Variants in RICTOR observed in about 807,000 individuals in gnomAD.
RICTOR encodes the protein RPTOR independent companion of MTOR complex 2.
RICTOR carries 49 observed loss-of-function variants against 214.9 expected under a neutral mutation model. The observed-to-expected ratio is 0.23, with a 90% CI of 0.18 to 0.29. RICTOR has a LOEUF of 0.29. Among genes scored for constraint, RICTOR ranks in the 10% least tolerant of loss-of-function variants. The pLI is 1.00. For missense variants in RICTOR, 1,625 were observed against 2,047.0 expected (o/e 0.79, Z 3.98); for synonymous variants, 717 against 711.3 (o/e 1.01, Z -0.13).
chr5:39,035,620 T>C (rs1375930586), intron 2 of RICTOR, among the ~76,000 whole-genome samples: 1 of 150,942 alleles, frequency 6.6e-6, no homozygotes, highest in African/African-American at 2.4e-5. Flanking sequence ...AGCAGAGAAG[T>C]CCTTAAAGGA....
At chr5:39,042,683 C>T (rs957921854) in intron 2 of RICTOR, among the ~76,000 whole-genome samples, 3 of 152,196 alleles carry the variant, frequency 2.0e-5, no homozygotes, top group Non-Finnish European at 4.4e-5. Context: ...TACCACAATT[C>T]TGCTTTATTT....
chr5:38,952,848 TTAA>T, intron 29 of RICTOR, 134 bp downstream of exon 29: 1 of 574,736 alleles, frequency 1.7e-6, no homozygotes. Flanking sequence ...CTTAATACAG[TTAA>T]TAATCTTGTA....
chr5:39,046,267 G>C (rs1757491670), intron 2 of RICTOR, among the ~76,000 whole-genome samples: 1 of 150,980 alleles, frequency 6.6e-6, no homozygotes, highest in African/African-American at 2.4e-5. Context: ...AGGAGGCTGA[G>C]ATGGGAAGAT....
chr5:39,035,973 A>G (rs1035377336), intron 2 of RICTOR, among the ~76,000 whole-genome samples: 16 of 152,174 alleles, frequency 1.1e-4, no homozygotes, highest in Admixed American at 6.5e-4. Flanking sequence ...GAACGCCACA[A>G]AGATACTCCT....
In RICTOR at chr5:38,970,697, A is replaced by G. The variant is rs543589174; in HGVS notation, c.972+1180T>C. The G allele has an allele frequency of 2.6e-5, 4 of 152,084 alleles. No individual in the cohort carries two copies. In the South Asian group the frequency reaches 8.3e-4, roughly 31 times the overall value. The allele number at this position is 152,084 out of a possible 1,614,324, so 9.4% of individuals were successfully genotyped here. A position where few individuals can be genotyped will look rare whatever the true frequency, so the allele number is the denominator to read the frequency against. On this transcript the variant is annotated intron_variant, in intron 11 of 37. Coordinates refer to ENST00000357387, the MANE Select transcript of RICTOR (RefSeq NM_152756.5). ...AAATAAAAACATTTAAGGAGAAAGG[A>G]AAAAAATCACTTTAAGAATTCTCTT...
chr5:39,023,724 G>A (rs775100860), intron 2 of RICTOR, among the ~76,000 whole-genome samples: 31 of 152,246 alleles, frequency 2.0e-4, no homozygotes, highest in South Asian at 4.1e-4. Context: ...CAAATGAAAC[G>A]GTTTGCACTG....
At chr5:38,949,024 A>C (rs777586221) in intron 31 of RICTOR, among the ~76,000 whole-genome samples, 9 of 152,104 alleles carry the variant, frequency 5.9e-5, no homozygotes, top group Non-Finnish European at 8.8e-5. Context: ...CACTTAAATA[A>C]ATGTAAATGA....
intron 2 of RICTOR, among the ~76,000 whole-genome samples, chr5:39,071,622 G>C (rs181389186): frequency 6.6e-6 from 1 of 152,110 alleles, no homozygotes; most frequent in Admixed American, 6.5e-5. Flanking sequence ...CAAATAACTT[G>C]CCCCAAATCA....
chr5:38,945,312 T>C (rs1261136617), intron 34 of RICTOR, 179 bp downstream of exon 34: 3 of 617,276 alleles, frequency 4.9e-6, no homozygotes, highest in Non-Finnish European at 5.7e-6. Flanking sequence ...CAGGCCCCAC[T>C]GTGACCTGGA....
At chr5:38,959,578 A>T (rs1749605116) in intron 21 of RICTOR, among the ~76,000 whole-genome samples, 1 of 152,126 alleles carries the variant, frequency 6.6e-6, no homozygotes, top group Non-Finnish European at 1.5e-5. Context: ...GTATATTTTT[A>T]AAATTCCTAA....
Position 38,952,217 on chromosome 5 carries a change from C to T in RICTOR, c.3106G>A (p.Glu1036Lys). ...TCACTCGATGGCACAGATTCACTTT[C>T]ACTATTATGTCTAGAGCTGGTTGAC... ...SESTSSRHNS[E>K]SESVPSSMFI... The change falls in exon 30 of 38, where the codon GAA becomes AAA. Residue 1036 changes from glutamate to lysine, a missense_variant. Physicochemically the swap from Glu to Lys is moderately conservative, Grantham distance 56. This residue lies in a region of RICTOR where 1,214 missense variants were observed against 1,470.5 expected (regional missense o/e 0.83). Coordinates refer to ENST00000357387, the MANE Select transcript of RICTOR (RefSeq NM_152756.5). 6.2e-7 allele frequency: 1 copy of T among 1,608,374 alleles called. No individual in the cohort carries two copies. The highest frequency in any genetic ancestry group is 8.5e-7 in the Non-Finnish European group (1 of 1,175,288).
At position 38,959,825 on chromosome 5, in the gene RICTOR, G is replaced by A. The variant is rs1749625985; in HGVS notation, c.2005C>T (p.His669Tyr). Residue 669 changes from histidine (H) to tyrosine (Y), a missense_variant, in exon 21 of 38, where the codon CAC becomes TAC. Transcript: ENST00000357387. ...TCCAGCATTTTAACTCCATGAGGGT[G>A]GCAAGAAAGTGTTCCAATAAATAAA... is the stretch of plus-strand genomic sequence containing the variant. ...YFLFIGTLSCHPHGVKMLEKC... is the reference protein window; with the variant it reads ...YFLFIGTLSCYPHGVKMLEKC... 1.9e-6 allele frequency: 3 copies of A among 1,613,442 alleles called. No homozygotes were observed. The East Asian group carries it at 6.7e-5, about 36-fold the overall frequency.
rs146305319 is a variant in RICTOR, at chr5:39,005,904, T to C, written c.196-2282A>G. ...GTTAAGAAAACTAGTCCAAGGAGGA[T>C]GAAAAATTTAATTTTTGTCCTGCAA... On this transcript the variant is annotated intron_variant, in intron 3 of 37. Coordinates refer to ENST00000357387, the MANE Select transcript of RICTOR (RefSeq NM_152756.5). 3.3e-3 allele frequency among the ~76,000 whole-genome samples: 504 copies of C among 152,310 alleles called. 2 individuals are homozygous for C. Among genetic ancestry groups the C allele is most frequent in the Non-Finnish European group, 6.0e-3 (406 of 68,016 alleles).
In RICTOR at chr5:38,944,433, A is replaced by G. The variant is rs181493272; in HGVS notation, c.4913+13T>C. On this transcript the variant is annotated intron_variant, in intron 36 of 37. Coordinates refer to ENST00000357387, the MANE Select transcript of RICTOR (RefSeq NM_152756.5). ...GAATAAACAAATAATACTCATGCAC[A>G]TAGTTTACTCACGTTAAAAGCCCAG... 6.3e-7 allele frequency: 1 copy of G among 1,592,058 alleles called. No individual in the cohort carries two copies. Among genetic ancestry groups the G allele is most frequent in the Admixed American group, 1.9e-5 (1 of 53,620 alleles).
chr5:38,961,658 T>A (rs1329110972), intron 19 of RICTOR, among the ~76,000 whole-genome samples: 2 of 152,128 alleles, frequency 1.3e-5, no homozygotes, highest in Non-Finnish European at 2.9e-5. Flanking sequence ...TTTATTTCAG[T>A]GCAATTTATA....
intron 2 of RICTOR, among the ~76,000 whole-genome samples, chr5:39,053,675 G>T (rs192447650): frequency 0.044 from 6,608 of 151,688 alleles, 265 homozygotes; most frequent in African/African-American, 0.1. Flanking sequence ...GGTGGATCAC[G>T]AGGTCAGGAG....
In RICTOR at chr5:38,991,282, G is replaced by T. The variant is rs565614375; in HGVS notation, c.457-207C>A. On this transcript the variant is annotated intron_variant, in intron 6 of 37. Coordinates refer to ENST00000357387, the MANE Select transcript of RICTOR (RefSeq NM_152756.5). ...GTTAATAGCCATTACTATGGAAAAT[G>T]TGTTAGATTTTTTTCTAACAGTACA... is the stretch of plus-strand genomic sequence containing the variant. Among the ~76,000 whole-genome samples the T allele has an allele frequency of 5.9e-5, 9 of 152,210 alleles. No individual in the cohort carries two copies. In the South Asian group the frequency reaches 1.9e-3, roughly 32 times the overall value.
At chr5:38,997,517 A>G (rs1300760859) in intron 5 of RICTOR, among the ~76,000 whole-genome samples, 1 of 152,194 alleles carries the variant, frequency 6.6e-6, no homozygotes, top group Non-Finnish European at 1.5e-5. Context: ...TCTGTGATTC[A>G]AAAAGCATTT....
intron 3 of RICTOR, among the ~76,000 whole-genome samples, chr5:39,010,642 CT>C (rs1754434780): frequency 6.6e-6 from 1 of 152,288 alleles, no homozygotes; most frequent in South Asian, 2.1e-4. Flanking sequence ...AGATGAGGAA[CT>C]TGTTGGGAAC....
Sources: allele counts gnomAD v4.1 joint callset (sites outside exome capture counted in the v4.1 genomes callset), GRCh38; gene constraint gnomAD v4.1.1; regional missense constraint gnomAD v4.1.1; transcripts MANE v1.5; gene names NCBI Gene and HGNC (gene_info 2026-07-23, HGNC 2026-07-21).